The following ABCA12 variants were observed in gnomAD, a reference collection of about 807,000 sequenced individuals.
ABCA12 encodes ATP binding cassette subfamily A member 12.
ABCA12 carries 156 observed loss-of-function variants against 293.5 expected under a neutral mutation model. That is an observed-to-expected ratio of 0.53 (90% CI 0.47 to 0.61). ABCA12 has a LOEUF of 0.61. Ranked by LOEUF, ABCA12 falls within the 20% of genes least tolerant of loss-of-function variation. The pLI is 0.00. For synonymous variants in ABCA12, 1,063 were observed against 1,108.0 expected, an observed-to-expected ratio of 0.96 and a Z score of 0.81; for missense variants, 2,797 against 3,090.2, an observed-to-expected ratio of 0.91 and a Z score of 2.25.
chr2:214,963,787 G>T (rs973966317), intron 39 of ABCA12, among the ~76,000 whole-genome samples: 1 of 151,550 alleles, frequency 6.6e-6, no homozygotes, highest in Non-Finnish European at 1.5e-5. Context: ...CAGGCATGTG[G>T]CAGGCACCTG....
At position 214,932,254 on chromosome 2, in the gene ABCA12, A is replaced by G. The variant is rs926203339; in HGVS notation, c.*380T>C. 9 of 243,560 alleles carry G rather than the reference A, an allele frequency of 3.7e-5. 1 individual carries two copies. Among genetic ancestry groups the G allele is most frequent in the Non-Finnish European group, 4.9e-5 (6 of 123,684 alleles). 15.1% of individuals were successfully genotyped at this position (243,560 alleles called of 1,614,324 possible). On this transcript the variant is annotated 3_prime_UTR_variant, in exon 53 of 53. Transcript: ENST00000272895. ...TGCTTGCCCGGTGGCACCTGCCACAAACCATCTGACTTTTCTTCTCCACTC... is the reference window on the plus strand; with the variant it reads ...TGCTTGCCCGGTGGCACCTGCCACAGACCATCTGACTTTTCTTCTCCACTC...
intron 2 of ABCA12, among the ~76,000 whole-genome samples, chr2:215,070,782 T>A (rs1424464031): frequency 6.6e-6 from 1 of 151,952 alleles, no homozygotes; most frequent in Non-Finnish European, 1.5e-5. Flanking sequence ...CATCACAGTT[T>A]TATTAAGTAA....
At chr2:215,006,410 G>A (rs886096282) in intron 19 of ABCA12, among the ~76,000 whole-genome samples, 2 of 152,000 alleles carry the variant, frequency 1.3e-5, no homozygotes, top group African/African-American at 4.8e-5. Flanking sequence ...AGGAAATTGT[G>A]GGGAAGACAT....
intron 51 of ABCA12, 75 bp downstream of exon 51, chr2:214,937,435 G>T: frequency 8.3e-7 from 1 of 1,199,304 alleles, no homozygotes; most frequent in Non-Finnish European, 1.2e-6. Context: ...CTGACCTCAA[G>T]TGATTGCCCG....
chr2:215,006,015 A>C (rs1163721269), intron 19 of ABCA12, among the ~76,000 whole-genome samples: 1 of 130,104 alleles, frequency 7.7e-6, no homozygotes, highest in African/African-American at 3.0e-5. Flanking sequence ...AAAATTTCAA[A>C]TTCTGTGCAT....
intron 2 of ABCA12, among the ~76,000 whole-genome samples, chr2:215,095,462 AC>A (rs1268136515): frequency 1.3e-5 from 2 of 151,900 alleles, no homozygotes; most frequent in Non-Finnish European, 2.9e-5. Context: ...CTTCTAACAA[AC>A]CCACAATATC....
chr2:214,944,641 G>C (rs1284591705), intron 49 of ABCA12, among the ~76,000 whole-genome samples: 1 of 151,856 alleles, frequency 6.6e-6, no homozygotes, highest in East Asian at 1.9e-4. Context: ...AACTTTATTT[G>C]ACAGGCAATA....
intron 2 of ABCA12, among the ~76,000 whole-genome samples, chr2:215,072,892 C>T (rs899143733): frequency 1.3e-5 from 2 of 152,058 alleles, no homozygotes; most frequent in Non-Finnish European, 2.9e-5. Flanking sequence ...GTCAGGAGTT[C>T]GAGACCAGCC....
chr2:215,050,985 A>G (rs771393460), intron 5 of ABCA12, among the ~76,000 whole-genome samples: 5 of 152,136 alleles, frequency 3.3e-5, no homozygotes, highest in Non-Finnish European at 7.4e-5. Flanking sequence ...TCTCCCCTGG[A>G]TATATAGCTC....
At chr2:214,983,949 G>GA (rs1699728229) in intron 28 of ABCA12, 84 bp from the exon 29 acceptor site, 15 of 1,229,694 alleles carry the variant, frequency 1.2e-5, no homozygotes, top group Non-Finnish European at 1.5e-5. Context: ...GTTGTTAGAA[G>GA]GAAAAAATAC....
intron 9 of ABCA12, among the ~76,000 whole-genome samples, chr2:215,029,669 G>C (rs765732457): frequency 1.3e-5 from 2 of 152,166 alleles, no homozygotes; most frequent in Non-Finnish European, 2.9e-5. Flanking sequence ...AAATTTCTGA[G>C]AATAGACTTA....
intron 7 of ABCA12, among the ~76,000 whole-genome samples, chr2:215,045,221 A>C (rs775525183): frequency 2.3e-4 from 35 of 152,166 alleles, no homozygotes; most frequent in Non-Finnish European, 4.1e-4. Context: ...TTAAACTCTA[A>C]ATACTGGCCG....
chr2:214,950,420 GTATA>G (rs1157746090), intron 45 of ABCA12, among the ~76,000 whole-genome samples: 3 of 145,994 alleles, frequency 2.1e-5, no homozygotes, highest in African/African-American at 7.8e-5. Context: ...GTGTGTGTGT[GTATA>G]TATATGCATG....
rs1700386677 is a variant in ABCA12, at chr2:215,011,961, A to C, written c.2121+10T>G. ...TTTTCAACAAGAACATTACTGGGTG[A>C]CTTTGCTACCTGTGTTAATGGAACA... On this transcript the variant is annotated intron_variant, in intron 16 of 52. Transcript: ENST00000272895. 1 of 1,612,744 alleles carries C rather than the reference A, an allele frequency of 6.2e-7. No homozygotes were observed. The highest frequency in any genetic ancestry group is 1.7e-5 in the Admixed American group (1 of 59,908).
At chr2:214,987,498 G>C in intron 27 of ABCA12, 149 bp downstream of exon 27, 2 of 1,044,686 alleles carry the variant, frequency 1.9e-6, no homozygotes, top group East Asian at 5.3e-5. Flanking sequence ...ATCCCCATAA[G>C]AGTCCAAAGA....
At chr2:214,992,486 G>T (rs1574968527) in intron 23 of ABCA12, among the ~76,000 whole-genome samples, 1 of 112,808 alleles carries the variant, frequency 8.9e-6, no homozygotes, top group Non-Finnish European at 1.8e-5. Flanking sequence ...AACAATTCAT[G>T]ATTAATGTTA....
At chr2:215,009,691 T>C (rs1700330283) in intron 18 of ABCA12, among the ~76,000 whole-genome samples, 1 of 152,172 alleles carries the variant, frequency 6.6e-6, no homozygotes, top group South Asian at 2.1e-4. Context: ...CATATAATTA[T>C]AGTTGAATGG....
chr2:215,118,599 A>G (rs1391432742), intron 1 of ABCA12, among the ~76,000 whole-genome samples: 1 of 152,302 alleles, frequency 6.6e-6, no homozygotes, highest in East Asian at 1.9e-4. Context: ...AACATATATA[A>G]AACAGTAATC....
chr2:214,964,613 G>T (rs1299843535), intron 39 of ABCA12, among the ~76,000 whole-genome samples: 2 of 151,946 alleles, frequency 1.3e-5, no homozygotes, highest in Non-Finnish European at 2.9e-5. Context: ...AATCATGAAT[G>T]AACTCTCATT....
Sources: gnomAD v4.1 joint callset for allele counts (sites outside exome capture counted in the v4.1 genomes callset) on GRCh38, gnomAD v4.1.1 for gene constraint, MANE v1.5 for transcripts, NCBI Gene and HGNC (gene_info 2026-07-23, HGNC 2026-07-21) for gene names.